The following STARD13 variants were observed in gnomAD, a reference collection of about 807,000 sequenced individuals.
STARD13 encodes StAR related lipid transfer domain containing 13.
STARD13 carries 62 observed loss-of-function variants against 106.4 expected under a neutral mutation model. The ratio of observed to expected loss-of-function variants is 0.58; its 90% CI spans 0.48 to 0.72. The LOEUF is 0.72. STARD13 is among the 30% of genes least tolerant of loss of function. STARD13 has a pLI of 0.00. For synonymous variants in STARD13, 565 were observed against 553.0 expected (o/e 1.02, Z -0.31); for missense variants, 1,387 against 1,424.0 (o/e 0.97, Z 0.42).
chr13:33,561,237 G>T, the STARD13 span, among the ~76,000 whole-genome samples: 2 of 150,730 alleles, frequency 1.3e-5, no homozygotes, highest in Middle Eastern at 3.4e-3. Context: ...GTTGATTTTG[G>T]TTAAAAAAAA....
At chr13:33,380,134 C>A in the STARD13 span, among the ~76,000 whole-genome samples, 1 of 151,974 alleles carries the variant, frequency 6.6e-6, no homozygotes, top group Non-Finnish European at 1.5e-5. Context: ...GCCTGTAATC[C>A]CAGCATTTTG....
the STARD13 span, among the ~76,000 whole-genome samples, chr13:33,542,854 C>T: frequency 1.3e-5 from 2 of 152,218 alleles, no homozygotes; most frequent in East Asian, 3.9e-4. Flanking sequence ...TCTCCCGCCA[C>T]CCGCGGAGGT....
intron 7 of STARD13, among the ~76,000 whole-genome samples, chr13:33,119,777 T>A (rs924118310): frequency 1.3e-5 from 2 of 152,250 alleles, no homozygotes; most frequent in African/African-American, 4.8e-5. Context: ...AGTTACTTTC[T>A]TTTTTATTCT....
At chr13:33,300,618 T>C (rs530405829) in intron 1 of STARD13, among the ~76,000 whole-genome samples, 10 of 152,362 alleles carry the variant, frequency 6.6e-5, no homozygotes, top group African/African-American at 2.2e-4. Flanking sequence ...AGCTATGCTA[T>C]GTTACTTGGT....
the STARD13 span, among the ~76,000 whole-genome samples, chr13:33,377,421 C>T: frequency 2.6e-3 from 395 of 152,244 alleles, 2 homozygotes; most frequent in African/African-American, 8.5e-3. Flanking sequence ...GGAAAAAATA[C>T]TGGATTTTCT....
intron 1 of STARD13, among the ~76,000 whole-genome samples, chr13:33,197,474 C>T (rs1361126678): frequency 6.6e-6 from 1 of 150,570 alleles, no homozygotes; most frequent in Non-Finnish European, 1.5e-5. Flanking sequence ...AAGCGTCAGC[C>T]CAATAAAACT....
chr13:33,496,200 T>A, the STARD13 span, among the ~76,000 whole-genome samples: 2 of 146,168 alleles, frequency 1.4e-5, no homozygotes, highest in Non-Finnish European at 3.0e-5. Flanking sequence ...TATACTTATA[T>A]AATTTCTAAT....
intron 2 of STARD13, among the ~76,000 whole-genome samples, chr13:33,166,899 G>C (rs1883374208): frequency 6.6e-6 from 1 of 151,770 alleles, no homozygotes; most frequent in Non-Finnish European, 1.5e-5. Context: ...GGAGGCTGAG[G>C]CAGGAAATTG....
chr13:33,185,807 T>G (rs1297675322), intron 1 of STARD13: 2 of 1,522,220 alleles, frequency 1.3e-6, no homozygotes, highest in African/African-American at 2.7e-5. Flanking sequence ...ACTGAGGCCA[T>G]GCAAGGCTAA....
the STARD13 span, among the ~76,000 whole-genome samples, chr13:33,577,805 T>G: frequency 6.6e-6 from 1 of 152,138 alleles, no homozygotes. Flanking sequence ...TTGGGTTTGA[T>G]GATGACTTTT....
At chr13:33,469,820 T>A in the STARD13 span, among the ~76,000 whole-genome samples, 1 of 149,600 alleles carries the variant, frequency 6.7e-6, no homozygotes, top group Non-Finnish European at 1.5e-5. Context: ...TCCCAAATAA[T>A]CCACTTCAAG....
chr13:33,352,376 G>A (rs1466810657), upstream of STARD13, among the ~76,000 whole-genome samples: 1 of 152,196 alleles, frequency 6.6e-6, no homozygotes, highest in African/African-American at 2.4e-5. Context: ...GGGACCTCTT[G>A]TTGAATCAAA....
chr13:33,488,973 A>C, the STARD13 span, among the ~76,000 whole-genome samples: 4 of 152,122 alleles, frequency 2.6e-5, no homozygotes, highest in Non-Finnish European at 5.9e-5. Flanking sequence ...GATTCATTAC[A>C]CTCAAGTTGA....
intron 1 of STARD13, among the ~76,000 whole-genome samples, chr13:33,285,156 A>C (rs1411814996): frequency 6.6e-6 from 1 of 152,222 alleles, no homozygotes; most frequent in Non-Finnish European, 1.5e-5. Context: ...AGGAAACTGC[A>C]GAAAAGCTCC....
exon 2 of STARD13, chr13:33,349,155 C>T (rs2078045559): frequency 1.4e-6 from 1 of 702,210 alleles, no homozygotes; most frequent in Non-Finnish European, 2.6e-6. Context: ...GGCATCAGAC[C>T]TTCTTCTCTA....
chr13:33,478,640 G>A, the STARD13 span, among the ~76,000 whole-genome samples: 9 of 152,076 alleles, frequency 5.9e-5, no homozygotes, highest in South Asian at 8.3e-4. Flanking sequence ...GTCAGGCTGG[G>A]CATGGTGGCT....
At chr13:33,205,778 C>T in intron 1 of STARD13, 1 of 888,164 alleles carries the variant, frequency 1.1e-6, no homozygotes, top group South Asian at 5.2e-5. Flanking sequence ...TGTTGTCTTT[C>T]CCACCACCAC....
At chr13:33,664,129 A>C in the STARD13 span, among the ~76,000 whole-genome samples, 2 of 152,170 alleles carry the variant, frequency 1.3e-5, no homozygotes, top group African/African-American at 4.8e-5. Context: ...TCCAGTTGCC[A>C]CTCAGGATCT....
chr13:33,329,375 C>T (rs1485353786), intron 1 of STARD13, among the ~76,000 whole-genome samples: 1 of 152,100 alleles, frequency 6.6e-6, no homozygotes, highest in East Asian at 1.9e-4. Flanking sequence ...AACTAATTAA[C>T]ATATCTATTC....
Sources: gnomAD v4.1 joint callset for allele counts (sites outside exome capture counted in the v4.1 genomes callset) on GRCh38, gnomAD v4.1.1 for gene constraint, MANE v1.5 for transcripts, NCBI Gene and HGNC (gene_info 2026-07-23, HGNC 2026-07-21) for gene names.